PAPLN: variants seen among roughly 807,000 people sequenced by gnomAD.
PAPLN encodes the protein papilin, proteoglycan like sulfated glycoprotein, also known as papilin.
Under a neutral mutation model 159.0 loss-of-function variants are expected in PAPLN, and 146 were observed. That is an observed-to-expected ratio of 0.92 (90% CI 0.80 to 1.05). The LOEUF (loss-of-function observed/expected upper bound fraction) is 1.05, where lower values mean the gene tolerates loss of function less well. PAPLN is among the 50% of genes least tolerant of loss of function. The pLI is 0.00. For synonymous variants in PAPLN, 734 were observed against 702.9 expected (o/e 1.04, Z -0.70); for missense variants, 1,720 against 1,743.9 (o/e 0.99, Z 0.24).
At position 73,262,594 on chromosome 14, in the gene PAPLN, C is replaced by A. The variant is rs747683114; in HGVS notation, c.2490C>A (p.Ser830Arg). 3 of 1,557,974 alleles carry A rather than the reference C, an allele frequency of 1.9e-6. No homozygotes were observed. The highest frequency in any genetic ancestry group is 1.7e-6 in the Non-Finnish European group (2 of 1,149,594). The change falls in exon 19 of 27, where the codon AGC becomes AGA. Residue 830 changes from serine to arginine, a missense_variant. Ser to Arg is a moderately radical substitution (Grantham distance 110). Coordinates refer to ENST00000644200, the MANE Select transcript of PAPLN (RefSeq NM_001365906.3). ...GCACCCACACGGATGGTGGCGGCAG[C>A]AGTCCTGCAGGCGAGCAGGAACCCA... ...GRSTHTDGGGSSPAGEQEPSQ... is the reference protein window; with the variant it reads ...GRSTHTDGGGRSPAGEQEPSQ...
At chr14:73,258,648 G>GCTA (rs137961095) in intron 14 of PAPLN, among the ~76,000 whole-genome samples, 3,416 of 110,180 alleles carry the variant, frequency 0.031, 132 homozygotes, top group African/African-American at 0.099. Context: ...AGTAGTCCCA[G>GCTA]CTACTCAGGG....
chr14:73,254,924 T>TG lies in PAPLN; in HGVS notation c.1534dup (p.Ala512GlyfsTer23). On this transcript the variant is annotated frameshift_variant, in exon 14 of 27. Coordinates refer to ENST00000644200, the MANE Select transcript of PAPLN (RefSeq NM_001365906.3). LOFTEE classifies it high-confidence loss of function. ...GCACTCGGAGGCGACAGGTCATCTG[T>TG]GCCATTGGGCCGCCCAGCCACTGCG... 6.2e-7 allele frequency: 1 copy of TG among 1,613,402 alleles called. No individual in the cohort carries two copies. Among genetic ancestry groups the TG allele is most frequent in the Non-Finnish European group, 8.5e-7 (1 of 1,179,974 alleles).
rs755690018 is a variant in PAPLN, at chr14:73,266,732, C to T, written c.3401C>T (p.Thr1134Ile). Reference protein sequence around the residue: ...WVQLRVLGELTISGLPPTVTV... With the variant: ...WVQLRVLGELIISGLPPTVTV... ...TTGTCCTTGTGCCCAGGGGAGCTGA[C>T]AATCTCAGGACTGCCCCCTACTGTG... Residue 1134 changes from threonine (T) to isoleucine (I), a missense_variant, in exon 25 of 27, where the codon ACA becomes ATA. Thr to Ile is a moderately conservative substitution (Grantham distance 89, BLOSUM62 -1). Coordinates refer to ENST00000644200, the MANE Select transcript of PAPLN (RefSeq NM_001365906.3). The T allele has an allele frequency of 6.2e-7, 1 of 1,613,972 alleles. No individual in the cohort carries two copies. Among genetic ancestry groups the T allele is most frequent in the African/African-American group, 1.3e-5 (1 of 74,916 alleles).
chr14:73,246,425 T>G (rs1884343908), intron 5 of PAPLN, among the ~76,000 whole-genome samples: 1 of 83,100 alleles, frequency 1.2e-5, no homozygotes. Flanking sequence ...TTTTTTTTTT[T>G]TGGGTGGGCG....
chr14:73,257,956 G>T (rs972145887), intron 14 of PAPLN, among the ~76,000 whole-genome samples: 22 of 152,022 alleles, frequency 1.4e-4, no homozygotes, highest in African/African-American at 5.3e-4. Flanking sequence ...TAGAGATGGG[G>T]TTTCACCATG....
Position 73,245,717 on chromosome 14 carries a change from G to T in PAPLN, c.231+21G>T. On this transcript the variant is annotated intron_variant, in intron 4 of 26. Coordinates refer to ENST00000644200, the MANE Select transcript of PAPLN (RefSeq NM_001365906.3). The surrounding 1 kb of genome is among the most constrained non-coding windows in gnomAD (Gnocchi z 4.2). Reference sequence around the variant, plus strand: ...CGGAGGTAAAGCTCACGGGGCGCGGGCGAAGGCACCAGCTTCCCCAGCCCC... The same window carrying T: ...CGGAGGTAAAGCTCACGGGGCGCGGTCGAAGGCACCAGCTTCCCCAGCCCC... The T allele has an allele frequency of 1.3e-6, 2 of 1,539,676 alleles. No homozygotes were observed. The highest frequency in any genetic ancestry group is 1.7e-6 in the Non-Finnish European group (2 of 1,147,068).
intron 20 of PAPLN, 134 bp from the exon 21 acceptor site, chr14:73,264,077 C>A: frequency 6.5e-7 from 1 of 1,527,952 alleles, no homozygotes; most frequent in Non-Finnish European, 8.8e-7. Context: ...AAGCATATTC[C>A]CCCAGCCTCA....
At chr14:73,248,426 AG>A (rs1884860672) in intron 5 of PAPLN, among the ~76,000 whole-genome samples, 1 of 152,168 alleles carries the variant, frequency 6.6e-6, no homozygotes, top group African/African-American at 2.4e-5. Context: ...AAGAGAGTAG[AG>A]GGATACCTTC....
At chr14:73,267,042 T>G (rs1277558292) in intron 25 of PAPLN, among the ~76,000 whole-genome samples, 1 of 152,144 alleles carries the variant, frequency 6.6e-6, no homozygotes, top group Non-Finnish European at 1.5e-5. Flanking sequence ...TACACTAAGG[T>G]TTCCTAACCT....
At position 73,262,714 on chromosome 14, in the gene PAPLN, C is replaced by G. The variant is rs1221306242; in HGVS notation, c.2610C>G (p.Pro870=). ...QDQQPGPGEA[P]HTQAFGEWPW... ...AACAGCCTGGGCCAGGGGAGGCCCCCCACACCCAGGCCTTTGGAGAATGGC... is the reference window on the plus strand; with the variant it reads ...AACAGCCTGGGCCAGGGGAGGCCCCGCACACCCAGGCCTTTGGAGAATGGC... The change falls in exon 19 of 27, where the codon CCC becomes CCG. Residue 870 remains proline, a synonymous_variant. Coordinates refer to ENST00000644200, the MANE Select transcript of PAPLN (RefSeq NM_001365906.3). 6.6e-7 allele frequency: 1 copy of G among 1,510,558 alleles called. No homozygotes were observed. Among genetic ancestry groups the G allele is most frequent in the Admixed American group, 2.3e-5 (1 of 44,238 alleles). The allele number at this position is 1,510,558 out of a possible 1,614,324, so 93.6% of individuals were successfully genotyped here. A position where few individuals can be genotyped will look rare whatever the true frequency, so the allele number is the denominator to read the frequency against.
Position 73,252,142 on chromosome 14 carries a change from G to T in PAPLN, c.967+1G>T. The T allele has an allele frequency of 6.3e-7, 1 of 1,597,106 alleles. No homozygotes were observed. The highest frequency in any genetic ancestry group is 1.7e-5 in the Admixed American group (1 of 57,920). On this transcript the variant is annotated splice_donor_variant, in intron 10 of 26. Transcript: ENST00000644200. LOFTEE classifies it high-confidence loss of function. The stretch of plus-strand genomic sequence containing the variant: ...GACTGCAGCGCGGAGTGTGGCGGAG[G>T]TGCGGGCGTGGATGGCCCAGGGGAG...
Position 73,264,739 on chromosome 14 carries a change from C to T in PAPLN, c.3125+13C>T, listed in dbSNP as rs763658411. 3.2e-5 allele frequency: 52 copies of T among 1,612,136 alleles called. No individual in the cohort carries two copies. The East Asian group carries it at 9.1e-4, about 28-fold the overall frequency. ...AGCCTGCAAACAGGTAAGAACTCAG[C>T]AATGCCATCTTGCCCTCCCCCACGC... On this transcript the variant is annotated intron_variant, in intron 22 of 26. Transcript: ENST00000644200.
At chr14:73,252,563 G>C (rs1175614851) in intron 10 of PAPLN, 86 bp from the exon 11 acceptor site, 4 of 1,513,780 alleles carry the variant, frequency 2.6e-6, no homozygotes, top group Non-Finnish European at 3.5e-6. Context: ...GACCTGTGGG[G>C]TGAGTGCAGG....
At chr14:73,263,824 C>A (rs1211616248) in intron 20 of PAPLN, 42 bp downstream of exon 20, 4 of 1,537,612 alleles carry the variant, frequency 2.6e-6, no homozygotes, top group East Asian at 2.4e-5. Flanking sequence ...GGTGTGACAG[C>A]CCCCCTACCT....
chr14:73,248,170 T>C (rs1884814279), intron 5 of PAPLN, among the ~76,000 whole-genome samples: 1 of 128,878 alleles, frequency 7.8e-6, no homozygotes. Context: ...TCATATCCTC[T>C]GTGTGTGTGT....
chr14:73,262,922 C>A, intron 19 of PAPLN, 95 bp downstream of exon 19: 2 of 1,138,384 alleles, frequency 1.8e-6, no homozygotes, highest in Non-Finnish European at 2.3e-6. Flanking sequence ...GGCCCTCCCT[C>A]CCCATCCCTA....
intron 2 of PAPLN, among the ~76,000 whole-genome samples, chr14:73,241,406 T>G (rs971379232): frequency 3.9e-5 from 6 of 152,218 alleles, no homozygotes; most frequent in African/African-American, 1.4e-4. Flanking sequence ...CCTGGACAGC[T>G]GCATGATCCT....
chr14:73,247,840 G>GTGGTGGCGATC (rs1884678772), intron 5 of PAPLN, among the ~76,000 whole-genome samples: 1 of 106,766 alleles, frequency 9.4e-6, no homozygotes, highest in African/African-American at 3.6e-5. Context: ...GTGTGTGTGT[G>GTGGTGGCGATC]GTGGCGATCG....
In PAPLN at chr14:73,245,808, G is replaced by T; in HGVS notation, c.231+112G>T. 1 of 1,361,530 alleles carries T rather than the reference G, an allele frequency of 7.3e-7. No individual in the cohort carries two copies. The highest frequency in any genetic ancestry group is 1.4e-5 in the South Asian group (1 of 73,496). 84.3% of individuals were successfully genotyped at this position (1,361,530 alleles called of 1,614,324 possible). A position where few individuals can be genotyped will look rare whatever the true frequency, so the allele number is the denominator to read the frequency against. On this transcript the variant is annotated intron_variant, in intron 4 of 26. Coordinates refer to ENST00000644200, the MANE Select transcript of PAPLN (RefSeq NM_001365906.3). This position sits in a 1 kb window ranked among gnomAD's most constrained non-coding sequence, Gnocchi z 4.2. ...CGGGCTGCTGGGTTGGCCCAGCCTG[G>T]GGTCCTCCCGCCAATCCACAGCAGG...
Sources: gnomAD v4.1 joint callset for allele counts (sites outside exome capture counted in the v4.1 genomes callset) on GRCh38, gnomAD v4.1.1 for gene constraint, Gnocchi (gnomAD v3.1) non-coding constraint, MANE v1.5 for transcripts, NCBI Gene and HGNC (gene_info 2026-07-23, HGNC 2026-07-21) for gene names.